Variants in ENOSF1 observed in about 807,000 individuals in gnomAD.
The protein encoded by ENOSF1 is mitochondrial enolase superfamily member 1.
ENOSF1 carries 73 observed loss-of-function variants against 68.2 expected under a neutral mutation model. That is an observed-to-expected ratio of 1.07 (90% CI 0.89 to 1.30). ENOSF1 has a LOEUF of 1.30. Among genes scored for constraint, ENOSF1 ranks in the 50% most tolerant of loss-of-function variants. The pLI is 0.00. For missense variants in ENOSF1, 589 were observed against 554.5 expected, an observed-to-expected ratio of 1.06 and a Z score of -0.62; for synonymous variants, 223 against 210.4, an observed-to-expected ratio of 1.06 and a Z score of -0.52.
intron 3 of ENOSF1, among the ~76,000 whole-genome samples, chr18:694,953 GA>G (rs1465567623): frequency 6.6e-6 from 1 of 152,064 alleles, no homozygotes; most frequent in African/African-American, 2.4e-5. Flanking sequence ...TATAGTTCCT[GA>G]AAACAAGGAT....
Position 712,598 on chromosome 18 carries a change from C to G in ENOSF1, c.-11G>C. 6.5e-7 allele frequency: 1 copy of G among 1,533,686 alleles called. No homozygotes were observed. The highest frequency in any genetic ancestry group is 8.7e-7 in the Non-Finnish European group (1 of 1,144,294). On this transcript the variant is annotated 5_prime_UTR_variant, in exon 1 of 16. Transcript: ENST00000647584. Reference sequence around the variant, plus strand: ...CCTGCCGCGCACCATGGCCCCTGCGCCCCGTGGCCGCGGCCCCCGTGCGGT... The same window carrying G: ...CCTGCCGCGCACCATGGCCCCTGCGGCCCGTGGCCGCGGCCCCCGTGCGGT...
chr18:675,203 A>T (rs915899241), intron 15 of ENOSF1, 118 bp downstream of exon 15: 1 of 774,878 alleles, frequency 1.3e-6, no homozygotes, highest in Non-Finnish European at 2.2e-6. Context: ...ACCGTTTGTT[A>T]GTGGATATTG....
At chr18:712,091 T>C (rs1343640575) in intron 1 of ENOSF1, among the ~76,000 whole-genome samples, 1 of 152,208 alleles carries the variant, frequency 6.6e-6, no homozygotes, top group Non-Finnish European at 1.5e-5. Flanking sequence ...TTTGCTGCTA[T>C]TGCCTATTAT....
Position 678,681 on chromosome 18 carries a change from G to A in ENOSF1, c.918+15C>T, listed in dbSNP as rs1427602143. 6.2e-7 allele frequency: 1 copy of A among 1,613,474 alleles called. No homozygotes were observed. The highest frequency in any genetic ancestry group is 1.1e-5 in the South Asian group (1 of 91,052). On this transcript the variant is annotated intron_variant, in intron 12 of 15. Coordinates refer to ENST00000647584, the MANE Select transcript of ENOSF1 (RefSeq NM_017512.7). ...CCCAAGGGGACGTCATCCACCTGTT[G>A]GGGGCGTCACTCACCTGTTCTCCTG...
intron 4 of ENOSF1, 21 bp downstream of exon 4, chr18:694,225 TGA>T: frequency 6.2e-7 from 1 of 1,611,866 alleles, no homozygotes; most frequent in South Asian, 1.1e-5. Context: ...AGGAGCCTCC[TGA>T]GCGTTTGTGA....
intron 13 of ENOSF1, 49 bp from the exon 14 acceptor site, chr18:677,493 G>A (rs1209987321): frequency 1.3e-6 from 2 of 1,533,686 alleles, no homozygotes; most frequent in Non-Finnish European, 8.9e-7. Context: ...GCAGGGAGAG[G>A]AAGGGGTGAA....
intron 5 of ENOSF1, chr18:693,332 C>G (rs943249653): frequency 8.3e-7 from 1 of 1,207,436 alleles, no homozygotes; most frequent in Admixed American, 3.1e-5. Context: ...TTTCTTTTTT[C>G]TTTTTTTGAG....
At chr18:678,788 A>C in intron 11 of ENOSF1, 51 bp from the exon 12 acceptor site, 1 of 1,579,672 alleles carries the variant, frequency 6.3e-7, no homozygotes, top group Non-Finnish European at 8.7e-7. Flanking sequence ...TTGAACTGCA[A>C]CTCCTAATGT....
intron 8 of ENOSF1, 134 bp downstream of exon 8, chr18:690,415 T>C (rs1568072043): frequency 4.3e-6 from 4 of 940,222 alleles, no homozygotes; most frequent in Non-Finnish European, 6.7e-6. Context: ...GGAGAACTGG[T>C]TGGCGTGAGA....
chr18:689,607 A>G (rs2076950270), intron 8 of ENOSF1, among the ~76,000 whole-genome samples: 1 of 152,124 alleles, frequency 6.6e-6, no homozygotes, highest in South Asian at 2.1e-4. Flanking sequence ...GGTGAACAGG[A>G]AAGTATTAAA....
chr18:670,898 G>A lies in ENOSF1; in HGVS notation c.*3407C>T. On this transcript the variant is annotated 3_prime_UTR_variant, in exon 16 of 16. Coordinates refer to ENST00000647584, the MANE Select transcript of ENOSF1 (RefSeq NM_017512.7). ...CTGTCTCGGGAAGGGTGACTTGCCA[G>A]CCTACCACACTGAGCTCTTCAGTTC... The A allele has an allele frequency of 6.2e-7, 1 of 1,611,650 alleles. No homozygotes were observed. The highest frequency in any genetic ancestry group is 1.3e-5 in the African/African-American group (1 of 75,002).
At position 706,545 on chromosome 18, in the gene ENOSF1, C is replaced by G. The variant is rs761630686; in HGVS notation, c.118G>C (p.Val40Leu). ...TDPDYSAAYVVIETDAEDGIK... is the reference protein window; with the variant it reads ...TDPDYSAAYVLIETDAEDGIK... ...CCATCTTCTGCATCAGTTTCTATGA[C>G]GACATAGGCAGCCGAGTAGTCAGGG... The change falls in exon 2 of 16, where the codon GTC becomes CTC. Residue 40 changes from valine to leucine, a missense_variant. By Grantham distance (32) the Val-to-Leu change is conservative. Coordinates refer to ENST00000647584, the MANE Select transcript of ENOSF1 (RefSeq NM_017512.7). 1.2e-6 allele frequency: 2 copies of G among 1,613,786 alleles called. No individual in the cohort carries two copies. Among genetic ancestry groups the G allele is most frequent in the Non-Finnish European group, 8.5e-7 (1 of 1,179,912 alleles).
In ENOSF1 at chr18:691,259, T is replaced by C; in HGVS notation, c.441A>G (p.Val147=). Residue 147 remains valine, a synonymous_variant, in exon 6 of 16, where the codon GTA becomes GTG. Coordinates refer to ENST00000647584, the MANE Select transcript of ENOSF1 (RefSeq NM_017512.7). The stretch of plus-strand genomic sequence containing the variant: ...TGATGTACCTGAAATCTATGCAGGA[T>C]ACCAGCATCCTGGGATCCTGGCAAC... ...LLVDMDPRML[V]SCIDFRYITD... is the part of the protein sequence containing the mutation. The C allele has an allele frequency of 1.2e-6, 2 of 1,614,108 alleles. No individual in the cohort carries two copies. The highest frequency in any genetic ancestry group is 1.7e-6 in the Non-Finnish European group (2 of 1,179,956).
At chr18:703,138 A>G (rs1430386649) in intron 2 of ENOSF1, among the ~76,000 whole-genome samples, 1 of 152,144 alleles carries the variant, frequency 6.6e-6, no homozygotes, top group African/African-American at 2.4e-5. Flanking sequence ...CCTTAGCACA[A>G]AAGAGTCATT....
At chr18:706,024 T>C (rs920766392) in intron 2 of ENOSF1, among the ~76,000 whole-genome samples, 3 of 151,856 alleles carry the variant, frequency 2.0e-5, no homozygotes, top group East Asian at 1.9e-4. Context: ...TATATACATA[T>C]ATATATTGAA....
At chr18:683,221 A>ACAG (rs765896691) in intron 11 of ENOSF1, 25 bp downstream of exon 11, 9 of 1,612,976 alleles carry the variant, frequency 5.6e-6, no homozygotes, top group Admixed American at 1.7e-5. Context: ...ATAAGCTGCC[A>ACAG]CAGCAGCAGC....
chr18:693,012 T>C (rs2077359961), intron 5 of ENOSF1: 10 of 1,220,058 alleles, frequency 8.2e-6, no homozygotes, highest in Non-Finnish European at 1.1e-5. Context: ...ACCCAGGTGT[T>C]GCACTGAGGC....
At chr18:676,644 G>C (rs1203591695) in intron 14 of ENOSF1, among the ~76,000 whole-genome samples, 2 of 152,170 alleles carry the variant, frequency 1.3e-5, no homozygotes. Context: ...CTTTATAGCA[G>C]TGCAAGAATA....
chr18:684,863 GA>G lies in ENOSF1; in HGVS notation c.741+1057del, dbSNP rs1353092849. 6.3e-5 allele frequency among the ~76,000 whole-genome samples: 9 copies of G among 142,520 alleles called. No individual in the cohort carries two copies. The East Asian group carries it at 1.6e-3, about 25-fold the overall frequency. 93.5% of individuals were successfully genotyped at this position (142,520 alleles called of 152,430 possible). ...ACCAGAGGACAGTATGCTCAGAATGGATTTTTTTTTTTTAAGAGGCTGGATC... is the reference window on the plus strand; with the variant it reads ...ACCAGAGGACAGTATGCTCAGAATGGTTTTTTTTTTTTAAGAGGCTGGATC... On this transcript the variant is annotated intron_variant, in intron 10 of 15. Coordinates refer to ENST00000647584, the MANE Select transcript of ENOSF1 (RefSeq NM_017512.7).
Sources: gnomAD v4.1 joint callset for allele counts (sites outside exome capture counted in the v4.1 genomes callset) on GRCh38, gnomAD v4.1.1 for gene constraint, MANE v1.5 for transcripts, NCBI Gene and HGNC (gene_info 2026-07-23, HGNC 2026-07-21) for gene names.